ELMO1: variants seen among roughly 807,000 people sequenced by gnomAD.
ELMO1 encodes the protein engulfment and cell motility protein 1.
ELMO1 carries 26 observed loss-of-function variants against 98.9 expected under a neutral mutation model. The observed-to-expected ratio is 0.26, with a 90% CI of 0.19 to 0.36. ELMO1 has a LOEUF of 0.36. ELMO1 is among the 10% of genes least tolerant of loss of function. The probability of loss-of-function intolerance (pLI) is 1.00; values close to 1 mark genes in which losing one functional copy is unlikely to be tolerated. For synonymous variants in ELMO1, 346 were observed against 346.0 expected, an observed-to-expected ratio of 1.00 and a Z score of 0.00; for missense variants, 627 against 935.2, an observed-to-expected ratio of 0.67 and a Z score of 4.30.
At chr7:37,301,372 C>T (rs1172876705) in intron 4 of ELMO1, among the ~76,000 whole-genome samples, 2 of 152,024 alleles carry the variant, frequency 1.3e-5, no homozygotes, top group African/African-American at 4.8e-5. Flanking sequence ...TTATTCTCTC[C>T]TCTTTATCTC....
chr7:37,272,433 C>A (rs1473239689), intron 4 of ELMO1, among the ~76,000 whole-genome samples: 1 of 152,052 alleles, frequency 6.6e-6, no homozygotes, highest in Admixed American at 6.6e-5. Flanking sequence ...TTTGGAAGGC[C>A]GAAGCAGGTG....
At chr7:36,922,358 A>AC (rs1562826689) in intron 16 of ELMO1, among the ~76,000 whole-genome samples, 2 of 151,332 alleles carry the variant, frequency 1.3e-5, no homozygotes, top group East Asian at 3.9e-4. Context: ...AAAAAAAAAA[A>AC]AAAAAAAAAA....
At chr7:37,310,602 G>C (rs1378708747) in intron 4 of ELMO1, among the ~76,000 whole-genome samples, 1 of 152,192 alleles carries the variant, frequency 6.6e-6, no homozygotes, top group African/African-American at 2.4e-5. Context: ...CTGGTAACCA[G>C]TGTTCATAGT....
In ELMO1 at chr7:37,378,627, C is replaced by T. The variant is rs541448401; in HGVS notation, c.-73-35864G>A. 2.6e-5 allele frequency among the ~76,000 whole-genome samples: 4 copies of T among 152,240 alleles called. No individual in the cohort carries two copies. The East Asian group carries it at 5.8e-4, about 22-fold the overall frequency. On this transcript the variant is annotated intron_variant, in intron 1 of 21. Coordinates refer to ENST00000310758, the MANE Select transcript of ELMO1 (RefSeq NM_014800.11). The stretch of plus-strand genomic sequence containing the variant: ...AAAACTAATATTTACAGATGGTCTT[C>T]TATGTAAATGAACTTTAATTTGCTA...
intron 10 of ELMO1, 49 bp from the exon 11 acceptor site, chr7:37,216,744 A>G: frequency 6.2e-7 from 1 of 1,609,816 alleles, no homozygotes; most frequent in Non-Finnish European, 8.5e-7. Flanking sequence ...AGAAAGCTAC[A>G]TTTCGACATG....
In ELMO1 at chr7:36,864,280, G is replaced by A. The variant is rs999455862; in HGVS notation, c.1906-2544C>T. ...CTTCTGCAGGGGGATGGAGAAGGAA[G>A]GAAAAGGAGCAGGCAAACTTTCAGC... On this transcript the variant is annotated intron_variant, in intron 20 of 21. Transcript: ENST00000310758. Among the ~76,000 whole-genome samples the A allele has an allele frequency of 1.2e-3, 188 of 152,180 alleles. 2 individuals are homozygous for A. The highest frequency in any genetic ancestry group is 0.012 in the Admixed American group (186 of 15,276).
At chr7:37,386,397 C>T (rs1041385096) in intron 1 of ELMO1, among the ~76,000 whole-genome samples, 1 of 151,890 alleles carries the variant, frequency 6.6e-6, no homozygotes, top group Non-Finnish European at 1.5e-5. Context: ...CCCAGGTCTC[C>T]AGTCTGTCTC....
chr7:37,296,828 T>C (rs1354258084), intron 4 of ELMO1, among the ~76,000 whole-genome samples: 1 of 152,180 alleles, frequency 6.6e-6, no homozygotes, highest in Non-Finnish European at 1.5e-5. Context: ...TTATAATAAA[T>C]ACTGGAAATC....
At chr7:36,988,866 T>A (rs1447446109) in intron 16 of ELMO1, among the ~76,000 whole-genome samples, 1 of 152,234 alleles carries the variant, frequency 6.6e-6, no homozygotes, top group East Asian at 1.9e-4. Context: ...CTACAAGCAA[T>A]GACAATGCAT....
rs537397651 is a variant in ELMO1, at chr7:36,931,096, C to T, written c.1438-36079G>A. Among the ~76,000 whole-genome samples the T allele has an allele frequency of 2.6e-5, 4 of 152,310 alleles. No homozygotes were observed. The East Asian group carries it at 7.7e-4, about 29-fold the overall frequency. On this transcript the variant is annotated intron_variant, in intron 16 of 21. Transcript: ENST00000310758. ...GATGAAAGCTTTGGTCACTATCATG[C>T]TTATTGGGCACCATGCTAGAATGAA...
intron 16 of ELMO1, among the ~76,000 whole-genome samples, chr7:36,997,549 T>G (rs926654046): frequency 4.0e-5 from 6 of 151,844 alleles, no homozygotes; most frequent in African/African-American, 7.3e-5. Context: ...AGATATGGGG[T>G]GATTGTGGTG....
intron 17 of ELMO1, among the ~76,000 whole-genome samples, chr7:36,893,173 T>A (rs577153124): frequency 1.3e-5 from 2 of 152,236 alleles, no homozygotes; most frequent in East Asian, 1.9e-4. Flanking sequence ...TAAGACTTAT[T>A]ATGGAAAGCA....
chr7:37,062,930 C>T (rs1484418299), intron 15 of ELMO1, among the ~76,000 whole-genome samples: 1 of 152,154 alleles, frequency 6.6e-6, no homozygotes, highest in Non-Finnish European at 1.5e-5. Context: ...ACTGGTATGA[C>T]CTGACCAGCT....
At chr7:36,887,798 C>A in intron 17 of ELMO1, 126 bp from the exon 18 acceptor site, 2 of 752,540 alleles carry the variant, frequency 2.7e-6, no homozygotes, top group Non-Finnish European at 4.4e-6. Flanking sequence ...ATACCTCCAA[C>A]TTGGTGCTTT....
chr7:36,959,397 T>G (rs1788750191), intron 16 of ELMO1, among the ~76,000 whole-genome samples: 2 of 152,148 alleles, frequency 1.3e-5, no homozygotes, highest in Admixed American at 6.5e-5. Context: ...ACCACAGTTT[T>G]CAAGCCCCTG....
intron 1 of ELMO1, among the ~76,000 whole-genome samples, chr7:37,434,326 T>C (rs775238009): frequency 6.6e-6 from 1 of 152,308 alleles, no homozygotes; most frequent in South Asian, 2.1e-4. Flanking sequence ...CTGCTAAAAA[T>C]GCTGTTTCCT....
At chr7:37,437,268 G>A (rs1362685869) in intron 1 of ELMO1, among the ~76,000 whole-genome samples, 2 of 151,980 alleles carry the variant, frequency 1.3e-5, no homozygotes, top group Non-Finnish European at 2.9e-5. Flanking sequence ...GAGCTCCAAT[G>A]GAGCCATCTC....
At chr7:37,096,965 C>T (rs1351903018) in intron 14 of ELMO1, among the ~76,000 whole-genome samples, 1 of 152,150 alleles carries the variant, frequency 6.6e-6, no homozygotes, top group Admixed American at 6.5e-5. Context: ...CTTGTTCGTT[C>T]CCATTTACAC....
At position 37,418,705 on chromosome 7, in the gene ELMO1, C is replaced by T. The variant is rs189605130; in HGVS notation, c.-74+29970G>A. ...TGCAGAAGTCTCAGGCAGGGCCAAG[C>T]GTGGAGATGGAAAATCCAGAAACAC... On this transcript the variant is annotated intron_variant, in intron 1 of 21. Transcript: ENST00000310758. Among the ~76,000 whole-genome samples the T allele has an allele frequency of 1.3e-3, 198 of 152,248 alleles. 2 individuals carry two copies. Among genetic ancestry groups the T allele is most frequent in the Middle Eastern group, 3.4e-3 (1 of 294 alleles).
Sources: allele counts gnomAD v4.1 joint callset (sites outside exome capture counted in the v4.1 genomes callset), GRCh38; gene constraint gnomAD v4.1.1; transcripts MANE v1.5; gene names NCBI Gene and HGNC (gene_info 2026-07-23, HGNC 2026-07-21).